PRTG: variants seen among roughly 807,000 people sequenced by gnomAD.
PRTG encodes the protein immunoglobulin superfamily, DCC subclass, member 5.
Under a neutral mutation model 122.5 loss-of-function variants are expected in PRTG, and 67 were observed. The ratio of observed to expected loss-of-function variants is 0.55; its 90% CI spans 0.45 to 0.67. The LOEUF (loss-of-function observed/expected upper bound fraction) is 0.67, where lower values mean the gene tolerates loss of function less well. PRTG is among the 30% of genes least tolerant of loss of function. PRTG has a pLI of 0.00. For missense variants in PRTG, 1,435 were observed against 1,415.4 expected (o/e 1.01, Z -0.22); for synonymous variants, 554 against 501.1 (o/e 1.11, Z -1.41).
At chr15:55,637,794 T>G (rs1023023962) in intron 14 of PRTG, among the ~76,000 whole-genome samples, 3 of 152,124 alleles carry the variant, frequency 2.0e-5, no homozygotes, top group Non-Finnish European at 4.4e-5. Flanking sequence ...AAATTGTGAA[T>G]CAGTGAATTT....
At chr15:55,653,123 T>C (rs2059361850) in intron 11 of PRTG, among the ~76,000 whole-genome samples, 1 of 152,210 alleles carries the variant, frequency 6.6e-6, no homozygotes, top group South Asian at 2.1e-4. Flanking sequence ...GTCAAAATGT[T>C]ATAAATTTGT....
intron 11 of PRTG, among the ~76,000 whole-genome samples, chr15:55,672,020 T>C (rs1481155741): frequency 2.0e-5 from 3 of 152,198 alleles, no homozygotes; most frequent in African/African-American, 7.2e-5. Context: ...GCATTATTTA[T>C]ACCTAATTTG....
intron 4 of PRTG, among the ~76,000 whole-genome samples, chr15:55,681,148 T>C (rs972981492): frequency 5.9e-5 from 9 of 152,188 alleles, no homozygotes; most frequent in African/African-American, 2.2e-4. Flanking sequence ...CATTCATCAG[T>C]TGATGGACAT....
rs140998731 is a variant in PRTG, at chr15:55,629,278, T to C, written c.2624-274A>G. Among the ~76,000 whole-genome samples, 10 of 152,284 alleles carry C rather than the reference T, an allele frequency of 6.6e-5. No individual in the cohort carries two copies. The East Asian group carries it at 1.9e-3, about 29-fold the overall frequency. ...AGAGTTTTCACTTAACATTGTAGTA[T>C]GTACATTTCCCCAATATAATCCTTT... On this transcript the variant is annotated intron_variant, in intron 15 of 19. Coordinates refer to ENST00000389286, the MANE Select transcript of PRTG (RefSeq NM_173814.6).
chr15:55,672,372 A>G, intron 11 of PRTG, 73 bp downstream of exon 11: 2 of 1,193,002 alleles, frequency 1.7e-6, no homozygotes, highest in Non-Finnish European at 2.4e-6. Context: ...CTCCTGCTTT[A>G]GATCCAATAA....
At chr15:55,741,211 C>T (rs1313187368) in intron 1 of PRTG, among the ~76,000 whole-genome samples, 1 of 152,176 alleles carries the variant, frequency 6.6e-6, no homozygotes, top group Non-Finnish European at 1.5e-5. Flanking sequence ...TTCTATCTGC[C>T]CTTTTACAGC....
chr15:55,729,196 G>T (rs2031144850), intron 2 of PRTG, among the ~76,000 whole-genome samples: 1 of 152,136 alleles, frequency 6.6e-6, no homozygotes, highest in Admixed American at 6.6e-5. Context: ...CCACAAAAAG[G>T]AATGAAGTAC....
Position 55,620,001 on chromosome 15 carries a change from C to G in PRTG, c.*11G>C. 6.2e-7 allele frequency: 1 copy of G among 1,613,676 alleles called. No homozygotes were observed. The highest frequency in any genetic ancestry group is 8.5e-7 in the Non-Finnish European group (1 of 1,179,718). Reference sequence around the variant, plus strand: ...GCGGAATCTCCACCTGAATCACTGCCAGTGAAAGAATCAGAGGTTGGGGGG... The same window carrying G: ...GCGGAATCTCCACCTGAATCACTGCGAGTGAAAGAATCAGAGGTTGGGGGG... On this transcript the variant is annotated 3_prime_UTR_variant, in exon 20 of 20. Transcript: ENST00000389286.
intron 7 of PRTG, among the ~76,000 whole-genome samples, chr15:55,678,296 C>T (rs2059515472): frequency 6.6e-6 from 1 of 152,134 alleles, no homozygotes; most frequent in African/African-American, 2.4e-5. Context: ...GGCTGAAGTG[C>T]AGTGTCACAA....
In PRTG at chr15:55,615,109, C is replaced by G. The variant is rs530958892; in HGVS notation, c.*4903G>C. ...AGAGAAATGATAACGGAAGGAGCTT[C>G]AGAGAGATGCTACATGGCTGGCTTT... On this transcript the variant is annotated 3_prime_UTR_variant, in exon 20 of 20. Coordinates refer to ENST00000389286, the MANE Select transcript of PRTG (RefSeq NM_173814.6). 3.9e-5 allele frequency: 6 copies of G among 152,112 alleles called. No individual in the cohort carries two copies. Among genetic ancestry groups the G allele is most frequent in the Non-Finnish European group, 8.8e-5 (6 of 67,956 alleles). The allele number at this position is 152,112 out of a possible 1,614,324, so 9.4% of individuals were successfully genotyped here. A position where few individuals can be genotyped will look rare whatever the true frequency, so the allele number is the denominator to read the frequency against.
chr15:55,716,832 T>C (rs1011062791), intron 2 of PRTG, among the ~76,000 whole-genome samples: 4 of 152,198 alleles, frequency 2.6e-5, no homozygotes, highest in African/African-American at 9.7e-5. Context: ...GTATCACACA[T>C]ACATGTGTAT....
intron 2 of PRTG, among the ~76,000 whole-genome samples, chr15:55,714,402 A>C (rs2030521800): frequency 6.6e-6 from 1 of 150,392 alleles, no homozygotes; most frequent in South Asian, 2.2e-4. Flanking sequence ...TAGTTTTAAA[A>C]ACATTTTTTG....
At chr15:55,732,266 G>A (rs946889105) in intron 2 of PRTG, among the ~76,000 whole-genome samples, 1 of 152,178 alleles carries the variant, frequency 6.6e-6, no homozygotes, top group African/African-American at 2.4e-5. Flanking sequence ...TGGGCTCACT[G>A]CTACCTCCGC....
chr15:55,703,489 T>A (rs74909667), intron 2 of PRTG, among the ~76,000 whole-genome samples: 2 of 151,932 alleles, frequency 1.3e-5, no homozygotes, highest in Non-Finnish European at 2.9e-5. Flanking sequence ...ACACCAGAAG[T>A]AGATGTAGAA....
chr15:55,622,545 G>A (rs546315834), intron 18 of PRTG, among the ~76,000 whole-genome samples: 29 of 93,960 alleles, frequency 3.1e-4, no homozygotes, highest in Non-Finnish European at 5.1e-4. Context: ...TACCATGACC[G>A]GCTAATTTTT....
intron 18 of PRTG, among the ~76,000 whole-genome samples, chr15:55,621,173 G>A (rs1463258796): frequency 3.7e-4 from 56 of 152,118 alleles, no homozygotes; most frequent in Admixed American, 3.5e-3. Flanking sequence ...CCAAGATGGT[G>A]AAACCCCGTC....
In PRTG at chr15:55,619,922, G is replaced by A; in HGVS notation, c.*90C>T. On this transcript the variant is annotated 3_prime_UTR_variant, in exon 20 of 20. Transcript: ENST00000389286. Reference sequence around the variant, plus strand: ...GGCAGATGGCGGCTGCAGAACTAAGGAGGAAGTCTGCTCACTAACAGATGA... The same window carrying A: ...GGCAGATGGCGGCTGCAGAACTAAGAAGGAAGTCTGCTCACTAACAGATGA... The A allele has an allele frequency of 6.4e-7, 1 of 1,559,738 alleles. No homozygotes were observed. The highest frequency in any genetic ancestry group is 1.2e-5 in the South Asian group (1 of 80,782).
chr15:55,637,140 T>C (rs77282637), intron 15 of PRTG, 30 bp downstream of exon 15: 14,951 of 1,422,016 alleles, frequency 0.011, 132 homozygotes, highest in Non-Finnish European at 9.8e-3. Context: ...ATCGTACTTT[T>C]CACCCTTCAT....
chr15:55,698,845 G>A (rs2059646233), intron 2 of PRTG, among the ~76,000 whole-genome samples: 2 of 151,932 alleles, frequency 1.3e-5, no homozygotes, highest in African/African-American at 4.8e-5. Flanking sequence ...AAAAGGAGCA[G>A]TACAGAGAGG....
Sources: allele counts gnomAD v4.1 joint callset (sites outside exome capture counted in the v4.1 genomes callset), GRCh38; gene constraint gnomAD v4.1.1; transcripts MANE v1.5; gene names NCBI Gene and HGNC (gene_info 2026-07-23, HGNC 2026-07-21).